CORIN: variants seen among roughly 807,000 people sequenced by gnomAD.
CORIN encodes the protein corin, serine peptidase.
In CORIN, 117 loss-of-function variants were observed where a neutral mutation model predicts 125.3. That is an observed-to-expected ratio of 0.93 (90% CI 0.80 to 1.09). The LOEUF (loss-of-function observed/expected upper bound fraction) is 1.09. CORIN is among the 50% of genes least tolerant of loss of function. CORIN has a pLI of 0.00. For missense variants in CORIN, 1,253 were observed against 1,306.7 expected, an observed-to-expected ratio of 0.96 and a Z score of 0.63; for synonymous variants, 450 against 466.4, an observed-to-expected ratio of 0.96 and a Z score of 0.45.
intron 21 of CORIN, among the ~76,000 whole-genome samples, chr4:47,599,310 A>C (rs2109500982): frequency 6.6e-6 from 1 of 152,350 alleles, no homozygotes; most frequent in Admixed American, 6.5e-5. Context: ...AGGAATCACC[A>C]CAGGGCCATT....
chr4:47,836,070 C>T (rs924686914), intron 1 of CORIN, among the ~76,000 whole-genome samples: 6 of 152,012 alleles, frequency 3.9e-5, no homozygotes, highest in Non-Finnish European at 7.4e-5. Context: ...CCCAAATAAC[C>T]CCAAAATAGT....
In CORIN at chr4:47,623,721, C is replaced by T. The variant is rs763680668; in HGVS notation, c.2390G>A (p.Arg797Gln). The T allele has an allele frequency of 6.8e-6, 11 of 1,614,044 alleles. No individual in the cohort carries two copies. Among genetic ancestry groups the T allele is most frequent in the South Asian group, 5.5e-5 (5 of 91,080 alleles). The change falls in exon 19 of 22, where the codon CGA (arginine) becomes CAA (glutamine). Residue 797 changes from arginine to glutamine, a missense_variant. By Grantham distance (43) the Arg-to-Gln change is conservative. Transcript: ENST00000273857. ...KQDCGRRPAA[R>Q]MNKRILGGRT... ...ACCTCCAAGGATCCTTTTGTTCATT[C>T]GGGCAGCAGGGCGGCGCCCACAGTC...
At chr4:47,736,042 T>G (rs1728120288) in intron 5 of CORIN, among the ~76,000 whole-genome samples, 1 of 152,114 alleles carries the variant, frequency 6.6e-6, no homozygotes, top group Non-Finnish European at 1.5e-5. Flanking sequence ...CACTGATGAT[T>G]TTTTTATTTT....
At chr4:47,785,004 C>T (rs1730721914) in intron 3 of CORIN, among the ~76,000 whole-genome samples, 1 of 152,198 alleles carries the variant, frequency 6.6e-6, no homozygotes, top group African/African-American at 2.4e-5. Context: ...TAAAAGTCAA[C>T]TTAATCCTTC....
intron 15 of CORIN, among the ~76,000 whole-genome samples, chr4:47,642,432 A>T (rs182166131): frequency 2.5e-4 from 38 of 152,370 alleles, no homozygotes; most frequent in Admixed American, 1.9e-3. Flanking sequence ...CGAGAACGCA[A>T]GTGCGTGAGA....
At chr4:47,628,472 GT>G (rs974414819) in intron 16 of CORIN, among the ~76,000 whole-genome samples, 1 of 147,838 alleles carries the variant, frequency 6.8e-6, no homozygotes, top group African/African-American at 2.5e-5. Context: ...GTGTGTGTGT[GT>G]TAAGAACACT....
chr4:47,690,707 C>T (rs1292861757), intron 6 of CORIN, among the ~76,000 whole-genome samples: 1 of 152,200 alleles, frequency 6.6e-6, no homozygotes, highest in African/African-American at 2.4e-5. Context: ...CTTCCTTCTC[C>T]TCTCATGAGT....
chr4:47,710,483 T>A (rs1398590594), intron 5 of CORIN, among the ~76,000 whole-genome samples: 1 of 152,272 alleles, frequency 6.6e-6, no homozygotes, highest in Non-Finnish European at 1.5e-5. Flanking sequence ...TGCCAAGCAG[T>A]TTCTGTCCCA....
chr4:47,723,868 C>T (rs1305287538), intron 5 of CORIN, among the ~76,000 whole-genome samples: 5 of 151,548 alleles, frequency 3.3e-5, no homozygotes, highest in South Asian at 2.1e-4. Flanking sequence ...TGGTGGTGGG[C>T]GCCTGTAGTC....
At chr4:47,651,001 T>C (rs2109637271) in intron 13 of CORIN, among the ~76,000 whole-genome samples, 1 of 152,346 alleles carries the variant, frequency 6.6e-6, no homozygotes, top group Middle Eastern at 3.4e-3. Flanking sequence ...TGGAGACATT[T>C]AAGAACAGTA....
intron 3 of CORIN, among the ~76,000 whole-genome samples, chr4:47,772,121 A>G (rs528195638): frequency 1.5e-4 from 21 of 138,978 alleles, no homozygotes; most frequent in Admixed American, 1.2e-3. Flanking sequence ...AGATAGGTAG[A>G]TAGATAATTG....
chr4:47,648,065 A>C (rs1029574330), intron 13 of CORIN, among the ~76,000 whole-genome samples: 1 of 152,226 alleles, frequency 6.6e-6, no homozygotes, highest in Non-Finnish European at 1.5e-5. Context: ...AAGTAGGATA[A>C]AAAGAGAGAG....
chr4:47,745,293 C>T (rs1176160762), intron 4 of CORIN, among the ~76,000 whole-genome samples: 2 of 152,198 alleles, frequency 1.3e-5, no homozygotes, highest in Admixed American at 6.5e-5. Context: ...GTCAAGGCCA[C>T]GGACTTGCTT....
At chr4:47,700,170 TTAGTTCTGAATG>T (rs1726221400) in intron 5 of CORIN, among the ~76,000 whole-genome samples, 1 of 152,234 alleles carries the variant, frequency 6.6e-6, no homozygotes, top group African/African-American at 2.4e-5. Context: ...AGTTGAACAC[TTAGTTCTGAATG>T]TAATTATAGA....
At chr4:47,666,702 T>C (rs543759865) in intron 10 of CORIN, among the ~76,000 whole-genome samples, 1 of 152,224 alleles carries the variant, frequency 6.6e-6, no homozygotes. Context: ...GCTCTCGCTC[T>C]CTCAGCCATG....
At chr4:47,797,447 A>G (rs970557340) in intron 2 of CORIN, among the ~76,000 whole-genome samples, 15 of 151,882 alleles carry the variant, frequency 9.9e-5, no homozygotes, top group African/African-American at 3.6e-4. Context: ...AAGGCCTGTC[A>G]AACTTGCCAT....
chr4:47,802,574 G>A (rs918407621), intron 2 of CORIN, among the ~76,000 whole-genome samples: 25 of 152,200 alleles, frequency 1.6e-4, no homozygotes, highest in Admixed American at 1.0e-3. Flanking sequence ...CTTGTGGTTC[G>A]AGTACCAGCT....
intron 5 of CORIN, among the ~76,000 whole-genome samples, chr4:47,709,798 G>A (rs1726759386): frequency 6.6e-6 from 1 of 151,910 alleles, no homozygotes; most frequent in Non-Finnish European, 1.5e-5. Context: ...AATGGCATTA[G>A]TAGCTCTACA....
chr4:47,833,087 T>C (rs544273256), intron 1 of CORIN, among the ~76,000 whole-genome samples: 1 of 150,848 alleles, frequency 6.6e-6, no homozygotes, highest in South Asian at 2.1e-4. Flanking sequence ...TAAAAACAGA[T>C]TAGGAAACAA....
Sources: allele counts gnomAD v4.1 joint callset (sites outside exome capture counted in the v4.1 genomes callset), GRCh38; gene constraint gnomAD v4.1.1; transcripts MANE v1.5; gene names NCBI Gene and HGNC (gene_info 2026-07-23, HGNC 2026-07-21).